The following NALF1 variants were observed in gnomAD, a reference collection of about 807,000 sequenced individuals.
NALF1 encodes NALCN channel auxiliary factor 1, also known as family with sequence similarity 155 member A.
NALF1 carries 3 observed loss-of-function variants against 48.4 expected under a neutral mutation model. That is an observed-to-expected ratio of 0.06 (90% CI 0.03 to 0.16). The LOEUF (loss-of-function observed/expected upper bound fraction) is 0.16, where lower values mean the gene tolerates loss of function less well. Among genes scored for constraint, NALF1 ranks in the 10% least tolerant of loss-of-function variants. NALF1 has a pLI of 1.00. For synonymous variants in NALF1, 262 were observed against 245.7 expected, an observed-to-expected ratio of 1.07 and a Z score of -0.62; for missense variants, 526 against 571.5, an observed-to-expected ratio of 0.92 and a Z score of 0.81.
chr13:107,748,536 C>T (rs557801529), intron 1 of NALF1, among the ~76,000 whole-genome samples: 10 of 152,150 alleles, frequency 6.6e-5, no homozygotes, highest in African/African-American at 2.2e-4. Context: ...CTATTACTGA[C>T]GAATCTCCAG....
chr13:107,565,296 C>G (rs4772887), intron 1 of NALF1, among the ~76,000 whole-genome samples: 78,911 of 149,428 alleles, frequency 0.53, 21,160 homozygotes, highest in East Asian at 0.71. Flanking sequence ...CATGCCAGAG[C>G]GTCCCTTGAG....
At chr13:107,286,152 T>C (rs1881488611) in intron 1 of NALF1, among the ~76,000 whole-genome samples, 1 of 152,188 alleles carries the variant, frequency 6.6e-6, no homozygotes, top group African/African-American at 2.4e-5. Context: ...ATCTTGTACA[T>C]TGTTGGTGGG....
intron 1 of NALF1, among the ~76,000 whole-genome samples, chr13:107,818,665 G>A (rs1234807971): frequency 6.7e-6 from 1 of 150,002 alleles, no homozygotes; most frequent in African/African-American, 2.5e-5. Context: ...GAGGTCAGGA[G>A]ATCGAGACCA....
chr13:107,700,151 A>G (rs935048699), intron 1 of NALF1, among the ~76,000 whole-genome samples: 1 of 152,016 alleles, frequency 6.6e-6, no homozygotes, highest in East Asian at 1.9e-4. Context: ...TAGAAAAAAA[A>G]GCCTCAAAAT....
chr13:107,736,626 G>T (rs1876476129), intron 1 of NALF1, among the ~76,000 whole-genome samples: 1 of 152,128 alleles, frequency 6.6e-6, no homozygotes, highest in Non-Finnish European at 1.5e-5. Flanking sequence ...TGTTATATTA[G>T]CATTCAAATG....
Position 107,167,450 on chromosome 13 carries a change from G to A in NALF1, c.*3047C>T, listed in dbSNP as rs1056968321. On this transcript the variant is annotated 3_prime_UTR_variant, in exon 3 of 3. Transcript: ENST00000375915. ...TGGGAAAGGAGTCGTTGCCTATTTG[G>A]ATCCTCTGCCTGACCCCAGAAGAAG... The A allele has an allele frequency of 2.6e-5, 4 of 152,220 alleles. No homozygotes were observed. Among genetic ancestry groups the A allele is most frequent in the African/African-American group, 7.2e-5 (3 of 41,442 alleles). The allele number at this position is 152,220 out of a possible 1,614,324, so 9.4% of individuals were successfully genotyped here.
chr13:107,307,633 A>AC (rs2138899877), intron 1 of NALF1, among the ~76,000 whole-genome samples: 1 of 72,042 alleles, frequency 1.4e-5, no homozygotes, highest in East Asian at 5.2e-4. Flanking sequence ...TTCCTTTTTT[A>AC]TTAAAAAAAA....
intron 1 of NALF1, among the ~76,000 whole-genome samples, chr13:107,523,477 T>G (rs1440959764): frequency 1.3e-5 from 2 of 151,404 alleles, no homozygotes; most frequent in African/African-American, 2.4e-5. Context: ...ACCCATTAAC[T>G]CGTCATTTAG....
chr13:107,299,172 G>C (rs532502480), intron 1 of NALF1, among the ~76,000 whole-genome samples: 1 of 152,216 alleles, frequency 6.6e-6, no homozygotes, highest in Non-Finnish European at 1.5e-5. Flanking sequence ...GACTCCTACA[G>C]CAGTGAATGT....
At chr13:107,172,451 A>T (rs34873193) in intron 2 of NALF1, among the ~76,000 whole-genome samples, 121 of 152,196 alleles carry the variant, frequency 8.0e-4, no homozygotes, top group Non-Finnish European at 1.6e-3. Context: ...TTAATTAAAA[A>T]TAATCTCAAA....
intron 1 of NALF1, among the ~76,000 whole-genome samples, chr13:107,385,539 C>T (rs1231825162): frequency 7.7e-5 from 10 of 130,258 alleles, no homozygotes; most frequent in Admixed American, 1.8e-4. Context: ...GGTGCCAGAG[C>T]GAGATTCCAT....
chr13:107,610,886 C>A (rs1417480657), intron 1 of NALF1, among the ~76,000 whole-genome samples: 1 of 152,108 alleles, frequency 6.6e-6, no homozygotes, highest in Non-Finnish European at 1.5e-5. Flanking sequence ...CGAGCTGACA[C>A]TAGTGTTGAG....
intron 1 of NALF1, among the ~76,000 whole-genome samples, chr13:107,410,888 G>C (rs780035688): frequency 7.2e-5 from 11 of 152,086 alleles, no homozygotes; most frequent in Non-Finnish European, 1.6e-4. Context: ...AAAGACTTTT[G>C]GTGTGGAAGA....
intron 2 of NALF1, among the ~76,000 whole-genome samples, chr13:107,210,034 C>A (rs185865912): frequency 6.6e-6 from 1 of 151,118 alleles, no homozygotes; most frequent in Non-Finnish European, 1.5e-5. Flanking sequence ...AAGTAAACAT[C>A]GTTTAATGGA....
At chr13:107,421,718 C>T (rs574006556) in intron 1 of NALF1, among the ~76,000 whole-genome samples, 2 of 152,276 alleles carry the variant, frequency 1.3e-5, no homozygotes, top group South Asian at 2.1e-4. Context: ...ATGATGTCCC[C>T]TTGGTAGACT....
chr13:107,805,905 T>C (rs1364936726), intron 1 of NALF1, among the ~76,000 whole-genome samples: 1 of 152,148 alleles, frequency 6.6e-6, no homozygotes, highest in African/African-American at 2.4e-5. Context: ...GGAAAAAATA[T>C]GATGCACCAA....
intron 1 of NALF1, among the ~76,000 whole-genome samples, chr13:107,472,287 C>A (rs1885113461): frequency 6.6e-6 from 1 of 152,136 alleles, no homozygotes; most frequent in South Asian, 2.1e-4. Context: ...TGAGATCGTG[C>A]CATTGCACTC....
intron 1 of NALF1, among the ~76,000 whole-genome samples, chr13:107,473,771 A>G (rs1885136351): frequency 6.6e-6 from 1 of 152,168 alleles, no homozygotes. Flanking sequence ...TGATTTACAT[A>G]CAAAATTCTA....
At chr13:107,537,188 C>G (rs1378312339) in intron 1 of NALF1, among the ~76,000 whole-genome samples, 1 of 151,864 alleles carries the variant, frequency 6.6e-6, no homozygotes, top group South Asian at 2.1e-4. Context: ...ATGTAACAAA[C>G]CTGCACATTG....
Sources: gnomAD v4.1 joint callset for allele counts (sites outside exome capture counted in the v4.1 genomes callset) on GRCh38, gnomAD v4.1.1 for gene constraint, MANE v1.5 for transcripts, NCBI Gene and HGNC (gene_info 2026-07-23, HGNC 2026-07-21) for gene names.